Variants in FSTL4 observed in about 807,000 individuals in gnomAD.
FSTL4 encodes the protein follistatin-related protein 4.
In FSTL4, 28 loss-of-function variants were observed where a neutral mutation model predicts 78.2. The ratio of observed to expected loss-of-function variants is 0.36; its 90% CI spans 0.27 to 0.49. The LOEUF is 0.49. Ranked by LOEUF, FSTL4 falls within the 20% of genes least tolerant of loss-of-function variation. FSTL4 has a pLI of 0.98. For missense variants in FSTL4, 922 were observed against 1,084.9 expected (o/e 0.85, Z 2.11); for synonymous variants, 422 against 440.5 (o/e 0.96, Z 0.53).
chr5:133,264,083 GGGA>G (rs1274178263), intron 6 of FSTL4, among the ~76,000 whole-genome samples: 1 of 152,148 alleles, frequency 6.6e-6, no homozygotes, highest in Admixed American at 6.5e-5. Context: ...TCACAACTTG[GGGA>G]GGGGGTGGTT....
chr5:133,219,542 C>T (rs957394944), intron 12 of FSTL4, among the ~76,000 whole-genome samples: 4 of 152,188 alleles, frequency 2.6e-5, no homozygotes, highest in South Asian at 2.1e-4. Context: ...AGAGGCCTGA[C>T]GTGGGATGCC....
intron 4 of FSTL4, among the ~76,000 whole-genome samples, chr5:133,366,396 T>C (rs887852405): frequency 6.6e-6 from 1 of 152,176 alleles, no homozygotes; most frequent in Admixed American, 6.5e-5. Flanking sequence ...TCTGTCTCTA[T>C]TCAAATGTGA....
rs1751281466 is a variant in FSTL4, at chr5:133,225,052, A to T, written c.1312+98T>A. ...GGCTTACCCCTGTCTTCACGGGCTCATGGTTGGCAGCTGTGGCCCTGGTCA... is the reference window on the plus strand; with the variant it reads ...GGCTTACCCCTGTCTTCACGGGCTCTTGGTTGGCAGCTGTGGCCCTGGTCA... On this transcript the variant is annotated intron_variant, in intron 10 of 15. Transcript: ENST00000265342. This position sits in a 1 kb window ranked among gnomAD's most constrained non-coding sequence, Gnocchi z 4.6. The T allele has an allele frequency of 7.2e-6, 10 of 1,389,536 alleles. No homozygotes were observed. The Admixed American group carries it at 1.2e-4, about 16-fold the overall frequency. The allele number at this position is 1,389,536 out of a possible 1,614,324, so 86.1% of individuals were successfully genotyped here.
At chr5:133,287,792 C>T (rs1349350762) in intron 6 of FSTL4, among the ~76,000 whole-genome samples, 1 of 152,260 alleles carries the variant, frequency 6.6e-6, no homozygotes, top group Admixed American at 6.5e-5. Flanking sequence ...TTTGCTCCCA[C>T]TGTTCTTCCT....
chr5:133,638,263 T>A, the FSTL4 span, among the ~76,000 whole-genome samples: 2 of 152,038 alleles, frequency 1.3e-5, no homozygotes, highest in Non-Finnish European at 2.9e-5. Flanking sequence ...CATCCGGAGC[T>A]CCCTTCTTCC....
At chr5:133,332,224 G>A (rs548975682) in intron 4 of FSTL4, among the ~76,000 whole-genome samples, 11 of 152,314 alleles carry the variant, frequency 7.2e-5, no homozygotes, top group East Asian at 5.8e-4. Flanking sequence ...CTGAACACCG[G>A]GAAAGGAGCG....
At chr5:133,210,095 A>G in intron 14 of FSTL4, 96 bp downstream of exon 14, 1 of 698,588 alleles carries the variant, frequency 1.4e-6, no homozygotes, top group Non-Finnish European at 2.6e-6. Context: ...GATAAATGTA[A>G]TTAGCTACCC....
chr5:133,258,538 T>C (rs1314678137), intron 6 of FSTL4, among the ~76,000 whole-genome samples: 4 of 152,236 alleles, frequency 2.6e-5, no homozygotes, highest in South Asian at 2.1e-4. Flanking sequence ...CAATGTTTTA[T>C]TGGTTCCGTA....
intron 3 of FSTL4, among the ~76,000 whole-genome samples, chr5:133,503,443 G>A (rs760769507): frequency 1.4e-4 from 21 of 151,694 alleles, no homozygotes; most frequent in South Asian, 4.2e-4. Context: ...CACTGGCTCC[G>A]GCACACCACC....
At chr5:133,602,519 T>C (rs891036857) in intron 2 of FSTL4, among the ~76,000 whole-genome samples, 10 of 152,244 alleles carry the variant, frequency 6.6e-5, no homozygotes, top group African/African-American at 2.4e-4. Flanking sequence ...TGTGTGTTTG[T>C]CTGTTTGCTT....
intron 4 of FSTL4, among the ~76,000 whole-genome samples, chr5:133,390,292 T>C (rs1390202180): frequency 6.6e-6 from 1 of 152,256 alleles, no homozygotes; most frequent in African/African-American, 2.4e-5. Context: ...TTTTTGAAAG[T>C]AGTTTTCACT....
chr5:133,634,222 T>C, the FSTL4 span, among the ~76,000 whole-genome samples: 1 of 152,140 alleles, frequency 6.6e-6, no homozygotes, highest in African/African-American at 2.4e-5. Flanking sequence ...GCAAGTGTGG[T>C]AGTCTAGGAT....
At chr5:133,435,510 C>T (rs1324145269) in intron 3 of FSTL4, among the ~76,000 whole-genome samples, 1 of 152,160 alleles carries the variant, frequency 6.6e-6, no homozygotes, top group Non-Finnish European at 1.5e-5. Context: ...TTTAGAAGAG[C>T]CACCATATCC....
chr5:133,239,660 A>G (rs1397219629), intron 7 of FSTL4, among the ~76,000 whole-genome samples: 1 of 152,108 alleles, frequency 6.6e-6, no homozygotes, highest in Non-Finnish European at 1.5e-5. Flanking sequence ...CTCTGTATCT[A>G]GCTCAAGGTT....
At chr5:133,479,372 C>T (rs1005053959) in intron 3 of FSTL4, among the ~76,000 whole-genome samples, 7 of 152,238 alleles carry the variant, frequency 4.6e-5, no homozygotes, top group Admixed American at 2.6e-4. Context: ...GATGTCTATA[C>T]CGAGGCCGTA....
the FSTL4 span, among the ~76,000 whole-genome samples, chr5:133,821,655 A>G: frequency 6.6e-6 from 1 of 152,146 alleles, no homozygotes; most frequent in Non-Finnish European, 1.5e-5. Context: ...ATGTGGGGAC[A>G]GGGAAGAGGG....
At chr5:133,841,611 G>T in the FSTL4 span, among the ~76,000 whole-genome samples, 93,988 of 152,064 alleles carry the variant, frequency 0.62, 29,783 homozygotes, top group Middle Eastern at 0.8. Flanking sequence ...AGAGATGGTG[G>T]TTGTTGTTGA....
the FSTL4 span, among the ~76,000 whole-genome samples, chr5:133,677,921 T>A: frequency 6.6e-6 from 1 of 152,238 alleles, no homozygotes; most frequent in Non-Finnish European, 1.5e-5. Flanking sequence ...TCACATTTTT[T>A]AAATCATTTT....
chr5:133,670,106 G>A, the FSTL4 span, among the ~76,000 whole-genome samples: 42 of 152,076 alleles, frequency 2.8e-4, no homozygotes, highest in Non-Finnish European at 5.3e-4. Context: ...ACCCTTTTCC[G>A]TCGTCAACAT....
Sources: allele counts gnomAD v4.1 joint callset (sites outside exome capture counted in the v4.1 genomes callset), GRCh38; gene constraint gnomAD v4.1.1; non-coding constraint Gnocchi (gnomAD v3.1); transcripts MANE v1.5; gene names NCBI Gene and HGNC (gene_info 2026-07-23, HGNC 2026-07-21).